TENM3: variants seen among roughly 807,000 people sequenced by gnomAD.
The protein encoded by TENM3 is teneurin transmembrane protein 3.
In TENM3, 63 loss-of-function variants were observed where a neutral mutation model predicts 255.1. That is an observed-to-expected ratio of 0.25 (90% confidence interval 0.20 to 0.30). TENM3 has a LOEUF of 0.30. TENM3 is among the 10% of genes least tolerant of loss of function. The pLI is 1.00. For missense variants in TENM3, 2,929 were observed against 3,461.1 expected, an observed-to-expected ratio of 0.85 and a Z score of 3.86; for synonymous variants, 1,306 against 1,322.3, an observed-to-expected ratio of 0.99 and a Z score of 0.27.
the TENM3 span, among the ~76,000 whole-genome samples, chr4:181,474,457 C>A: frequency 4.6e-5 from 7 of 152,122 alleles, no homozygotes; most frequent in South Asian, 1.4e-3. Context: ...AAGTTTCTGG[C>A]TGGGCACGGT....
the TENM3 span, among the ~76,000 whole-genome samples, chr4:181,851,540 A>G: frequency 6.6e-4 from 100 of 152,308 alleles, 1 homozygote; most frequent in South Asian, 0.02. Context: ...TGGTATTCCA[A>G]CAAGCACTGA....
chr4:181,905,111 C>G, the TENM3 span, among the ~76,000 whole-genome samples: 1 of 152,172 alleles, frequency 6.6e-6, no homozygotes, highest in Admixed American at 6.5e-5. Context: ...TCAGATATGT[C>G]TTTATCAACA....
chr4:182,625,339 G>A (rs760486433), intron 4 of TENM3, among the ~76,000 whole-genome samples: 2 of 152,142 alleles, frequency 1.3e-5, no homozygotes, highest in Non-Finnish European at 2.9e-5. Flanking sequence ...CCTGAGCTCC[G>A]CCTCCTGTCA....
At chr4:182,489,727 ATTTCT>A (rs1735097676) in intron 3 of TENM3, among the ~76,000 whole-genome samples, 3 of 151,802 alleles carry the variant, frequency 2.0e-5, no homozygotes, top group Admixed American at 2.0e-4. Flanking sequence ...AACATTGCCT[ATTTCT>A]TTTCTTTTCT....
At chr4:181,546,245 C>A in the TENM3 span, among the ~76,000 whole-genome samples, 1 of 152,152 alleles carries the variant, frequency 6.6e-6, no homozygotes, top group Non-Finnish European at 1.5e-5. Flanking sequence ...GCTGTCGCAG[C>A]TTCTTTTTCC....
At chr4:181,869,014 CTG>C in the TENM3 span, among the ~76,000 whole-genome samples, 2 of 151,018 alleles carry the variant, frequency 1.3e-5, no homozygotes, top group Non-Finnish European at 3.0e-5. Context: ...AAAAAAAAAA[CTG>C]TTGCTGACCA....
the TENM3 span, among the ~76,000 whole-genome samples, chr4:182,055,617 C>T: frequency 3.3e-5 from 5 of 152,046 alleles, no homozygotes; most frequent in African/African-American, 4.8e-5. Context: ...CTTGCTGTAG[C>T]GCTAATTTCC....
chr4:182,300,794 C>T (rs1761805734), intron 1 of TENM3, among the ~76,000 whole-genome samples: 1 of 152,160 alleles, frequency 6.6e-6, no homozygotes, highest in Non-Finnish European at 1.5e-5. Context: ...CCTAGACTTC[C>T]ACAAAACAGT....
chr4:182,270,966 A>G (rs1759580223), intron 1 of TENM3, among the ~76,000 whole-genome samples: 1 of 152,232 alleles, frequency 6.6e-6, no homozygotes, highest in African/African-American at 2.4e-5. Flanking sequence ...AATAAGCGTC[A>G]CACAAGCACT....
In TENM3 at chr4:182,575,168, G is replaced by A. The variant is rs139347184; in HGVS notation, c.512-25756G>A. Among the ~76,000 whole-genome samples, 1,099 of 152,184 alleles carry A rather than the reference G, an allele frequency of 7.2e-3. 11 individuals carry two copies. The highest frequency in any genetic ancestry group is 0.024 in the Middle Eastern group (7 of 294). ...TGGAGAAATCTGAATAGAATCAATG[G>A]ATTTTATCAATGTGATTATCCTGGT... On this transcript the variant is annotated intron_variant, in intron 3 of 27. Transcript: ENST00000511685.
chr4:182,005,889 G>C, the TENM3 span, among the ~76,000 whole-genome samples: 1 of 152,040 alleles, frequency 6.6e-6, no homozygotes, highest in Non-Finnish European at 1.5e-5. Flanking sequence ...GTGGTGTAAA[G>C]GAATGCTTCT....
chr4:181,921,495 A>C, the TENM3 span, among the ~76,000 whole-genome samples: 1 of 152,178 alleles, frequency 6.6e-6, no homozygotes, highest in South Asian at 2.1e-4. Flanking sequence ...TCTTTGAAGC[A>C]ATTGTGAATG....
At chr4:182,786,203 T>G (rs1765642546) in intron 24 of TENM3, among the ~76,000 whole-genome samples, 1 of 152,048 alleles carries the variant, frequency 6.6e-6, no homozygotes, top group African/African-American at 2.4e-5. Flanking sequence ...GATGGCATCA[T>G]CTGACTTGCA....
At chr4:181,819,263 C>T in the TENM3 span, among the ~76,000 whole-genome samples, 17 of 152,094 alleles carry the variant, frequency 1.1e-4, no homozygotes, top group Non-Finnish European at 1.9e-4. Context: ...TTTGCCCCCC[C>T]AATCGGCCTA....
At chr4:182,711,078 G>A (rs1054479609) in intron 12 of TENM3, among the ~76,000 whole-genome samples, 4 of 152,174 alleles carry the variant, frequency 2.6e-5, no homozygotes, top group Non-Finnish European at 5.9e-5. Context: ...GAGATACTGG[G>A]TAATCGTTTT....
the TENM3 span, chr4:181,522,958 C>T: frequency 1.4e-6 from 1 of 711,606 alleles, no homozygotes; most frequent in Non-Finnish European, 2.6e-6. Flanking sequence ...TATGAGAAGG[C>T]TGAGATAAAG....
chr4:182,567,200 TAGTCC>T (rs1319937584), intron 3 of TENM3, among the ~76,000 whole-genome samples: 2 of 152,242 alleles, frequency 1.3e-5, no homozygotes, highest in African/African-American at 4.8e-5. Flanking sequence ...AGAAGATTTT[TAGTCC>T]ATTGTCTCTA....
At chr4:182,766,812 G>C (rs1487346641) in intron 22 of TENM3, among the ~76,000 whole-genome samples, 1 of 152,024 alleles carries the variant, frequency 6.6e-6, no homozygotes, top group African/African-American at 2.4e-5. Context: ...GCACGGGTCA[G>C]AATTTGCCCC....
the TENM3 span, among the ~76,000 whole-genome samples, chr4:181,509,115 C>T: frequency 0.13 from 19,556 of 151,782 alleles, 1,451 homozygotes; most frequent in South Asian, 0.28. Context: ...AGAAACTACA[C>T]GTGGAACATG....
Sources: gnomAD v4.1 joint callset for allele counts (sites outside exome capture counted in the v4.1 genomes callset) on GRCh38, gnomAD v4.1.1 for gene constraint, MANE v1.5 for transcripts, NCBI Gene and HGNC (gene_info 2026-07-23, HGNC 2026-07-21) for gene names.